The following C9orf43 variants were observed in gnomAD, a reference collection of about 807,000 sequenced individuals.
C9orf43 encodes the protein uncharacterized protein C9orf43.
C9orf43 carries 45 observed loss-of-function variants against 59.1 expected under a neutral mutation model. That is an observed-to-expected ratio of 0.76 (90% CI 0.60 to 0.98). C9orf43 has a LOEUF of 0.98. C9orf43 is among the 50% of genes least tolerant of loss of function. C9orf43 has a pLI of 0.00. For missense variants in C9orf43, 533 were observed against 554.9 expected, an observed-to-expected ratio of 0.96 and a Z score of 0.40; for synonymous variants, 203 against 196.8, an observed-to-expected ratio of 1.03 and a Z score of -0.26.
At chr9:113,426,764 G>T (rs1204499790) in intron 11 of C9orf43, among the ~76,000 whole-genome samples, 2 of 152,180 alleles carry the variant, frequency 1.3e-5, no homozygotes, top group South Asian at 2.1e-4. Context: ...GGTGCCTTTT[G>T]TACCCCTTCC....
chr9:113,420,375 T>C (rs1420913483), intron 4 of C9orf43, among the ~76,000 whole-genome samples: 1 of 152,222 alleles, frequency 6.6e-6, no homozygotes, highest in African/African-American at 2.4e-5. Context: ...TTGTCATGCC[T>C]GGCCGAGATT....
intron 8 of C9orf43, 116 bp from the exon 9 acceptor site, chr9:113,424,903 C>A: frequency 1.2e-6 from 1 of 847,518 alleles, no homozygotes; most frequent in Admixed American, 2.3e-5. Context: ...TGCTGCAAAA[C>A]ACTGGGTTCT....
intron 11 of C9orf43, among the ~76,000 whole-genome samples, chr9:113,426,505 C>G (rs1341575586): frequency 6.6e-6 from 1 of 152,200 alleles, no homozygotes; most frequent in Non-Finnish European, 1.5e-5. Flanking sequence ...TCAGAAAGAG[C>G]TCTCCAATCC....
chr9:113,414,527 C>T (rs935299835), intron 3 of C9orf43, among the ~76,000 whole-genome samples: 15 of 151,860 alleles, frequency 9.9e-5, no homozygotes, highest in Non-Finnish European at 2.1e-4. Flanking sequence ...TCAAGTGATC[C>T]TCCTGCCTTG....
At chr9:113,422,420 T>C in intron 5 of C9orf43, 129 bp from the exon 6 acceptor site, 1 of 1,317,522 alleles carries the variant, frequency 7.6e-7, no homozygotes, top group South Asian at 1.4e-5. Flanking sequence ...GATAGGAATC[T>C]TTGTGGTCAT....
intron 3 of C9orf43, among the ~76,000 whole-genome samples, chr9:113,418,880 T>G (rs1448271523): frequency 6.6e-6 from 1 of 152,244 alleles, no homozygotes; most frequent in East Asian, 1.9e-4. Context: ...GAATTCTGTT[T>G]GATGGAACAA....
chr9:113,423,525 A>G, intron 7 of C9orf43, 27 bp downstream of exon 7: 1 of 1,598,264 alleles, frequency 6.3e-7, no homozygotes, highest in South Asian at 1.1e-5. Flanking sequence ...TCTGTGGGAG[A>G]GCCAGAGCAC....
At chr9:113,421,747 A>G (rs757614668) in intron 5 of C9orf43, among the ~76,000 whole-genome samples, 1 of 152,184 alleles carries the variant, frequency 6.6e-6, no homozygotes, top group African/African-American at 2.4e-5. Context: ...TGACATTTAG[A>G]GATGATGAAA....
At position 113,429,621 on chromosome 9, in the gene C9orf43, T is replaced by C; in HGVS notation, c.*235T>C. On this transcript the variant is annotated 3_prime_UTR_variant, in exon 14 of 14. Transcript: ENST00000374165. The stretch of plus-strand genomic sequence containing the variant: ...AGAAAAATCCCCAGCCTTTTTAAAT[T>C]TAGATTATTTCCTTTCCATTAGGGT... 2.1e-6 allele frequency: 1 copy of C among 485,806 alleles called. No homozygotes were observed. Among genetic ancestry groups the C allele is most frequent in the Non-Finnish European group, 3.6e-6 (1 of 275,062 alleles). The allele number at this position is 485,806 out of a possible 1,614,324, so 30.1% of individuals were successfully genotyped here.
At position 113,422,561 on chromosome 9, in the gene C9orf43, G is replaced by A. The variant is rs757978510; in HGVS notation, c.459G>A (p.Lys153=). 1.9e-6 allele frequency: 3 copies of A among 1,613,900 alleles called. No individual in the cohort carries two copies. Among genetic ancestry groups the A allele is most frequent in the Non-Finnish European group, 2.5e-6 (3 of 1,179,930 alleles). ...ETEIHVSQHG[K]KKRKNSAVKS... ...TGTTTTTCTCCAGCCAGCATGGGAA[G>A]AAGAAAAGAAAGAACTCGGCAGTGG... Residue 153 remains lysine, a synonymous_variant, in exon 6 of 14, where the codon AAG becomes AAA. Coordinates refer to ENST00000374165, the MANE Select transcript of C9orf43 (RefSeq NM_001278629.2).
In C9orf43 at chr9:113,421,072, G is replaced by A. The variant is rs1475767649; in HGVS notation, c.346-31G>A. On this transcript the variant is annotated intron_variant, in intron 4 of 13. Transcript: ENST00000374165. ...CTGATATAGGAGCTTAGCACCTCAAGCCATACATAGGCTTTATATCTTTCT... is the reference window on the plus strand; with the variant it reads ...CTGATATAGGAGCTTAGCACCTCAAACCATACATAGGCTTTATATCTTTCT... 5.2e-6 allele frequency: 8 copies of A among 1,543,184 alleles called. No homozygotes were observed. The Admixed American group carries it at 1.3e-4, about 26-fold the overall frequency.
rs967578310 is a variant in C9orf43 at position 113,419,137 on chromosome 9, T to G, written c.317T>G (p.Leu106Trp). Residue 106 changes from leucine to tryptophan, a missense_variant, in exon 4 of 14, where the codon TTG (leucine) becomes TGG (tryptophan). Leu to Trp is a moderately conservative substitution (Grantham distance 61). Coordinates refer to ENST00000374165, the MANE Select transcript of C9orf43 (RefSeq NM_001278629.2). ...RPPKGLPDKS[L>W]INCTNRLPKF... The stretch of plus-strand genomic sequence containing the variant: ...CCGAAGGGTTTACCTGACAAAAGTT[T>G]GATCAACTGTACTAACAGACTTCCC... 6.2e-6 allele frequency: 10 copies of G among 1,610,418 alleles called. No individual in the cohort carries two copies. In the East Asian group the frequency reaches 1.1e-4, roughly 18 times the overall value.
At chr9:113,415,291 G>A (rs533680414) in intron 3 of C9orf43, among the ~76,000 whole-genome samples, 5 of 152,000 alleles carry the variant, frequency 3.3e-5, no homozygotes, top group East Asian at 3.9e-4. Flanking sequence ...CCACAGGCAC[G>A]CGCCACCACT....
At position 113,429,285 on chromosome 9, in the gene C9orf43, A is replaced by T. The variant is rs767246402; in HGVS notation, c.1285A>T (p.Ile429Phe). Reference sequence around the variant, plus strand: ...GAAGATCTCCTTTAACTTTTCAGAAATTATGGCTAGCACAGGCTGGAACTC... The same window carrying T: ...GAAGATCTCCTTTAACTTTTCAGAATTTATGGCTAGCACAGGCTGGAACTC... The part of the protein sequence containing the change: ...QKKISFNFSE[I>F]MASTGWNSEL... The change falls in exon 14 of 14, where the codon ATT becomes TTT. Residue 429 changes from isoleucine to phenylalanine, a missense_variant. Physicochemically the swap from Ile to Phe is conservative, Grantham distance 21 (BLOSUM62 0). Coordinates refer to ENST00000374165, the MANE Select transcript of C9orf43 (RefSeq NM_001278629.2). The T allele has an allele frequency of 3.7e-6, 6 of 1,614,238 alleles. No homozygotes were observed. Among genetic ancestry groups the T allele is most frequent in the Non-Finnish European group, 5.1e-6 (6 of 1,180,028 alleles).
intron 6 of C9orf43, 104 bp from the exon 7 acceptor site, chr9:113,423,222 G>T: frequency 8.8e-7 from 1 of 1,135,804 alleles, no homozygotes. Flanking sequence ...GGCAACCATG[G>T]CTGGAGTACA....
At chr9:113,417,235 G>T (rs1828394177) in intron 3 of C9orf43, among the ~76,000 whole-genome samples, 1 of 152,144 alleles carries the variant, frequency 6.6e-6, no homozygotes, top group African/African-American at 2.4e-5. Context: ...CTTTTCTTCT[G>T]TCAAGGTTGA....
chr9:113,411,339 C>T (rs35329679), intron 1 of C9orf43, among the ~76,000 whole-genome samples: 6,027 of 151,634 alleles, frequency 0.04, 162 homozygotes, highest in South Asian at 0.1. Flanking sequence ...ACTCTGTCGC[C>T]CAGGTTGGAG....
intron 3 of C9orf43, among the ~76,000 whole-genome samples, chr9:113,417,085 G>C (rs112998569): frequency 9.7e-4 from 148 of 152,122 alleles, no homozygotes; most frequent in Non-Finnish European, 1.5e-3. Flanking sequence ...TTTGTTTGCC[G>C]CCTCTCATGA....
chr9:113,413,779 G>C lies in C9orf43; in HGVS notation c.172G>C (p.Val58Leu). 1 of 1,614,114 alleles carries C rather than the reference G, an allele frequency of 6.2e-7. No homozygotes were observed. ...CTTAGATAAACTCCCAGTGCTCACC[G>C]TGGTAGACATCTTAGATTCCGGCTT... is the stretch of plus-strand genomic sequence containing the variant. ...DAEDKLPVLT[V>L]VDILDSGFAA... Residue 58 changes from valine to leucine, a missense_variant, in exon 3 of 14, where the codon GTG becomes CTG. Transcript: ENST00000374165.
Sources: allele counts gnomAD v4.1 joint callset (sites outside exome capture counted in the v4.1 genomes callset), GRCh38; gene constraint gnomAD v4.1.1; transcripts MANE v1.5; gene names NCBI Gene and HGNC (gene_info 2026-07-23, HGNC 2026-07-21).